Variants in DIS3L2 observed in about 807,000 individuals in gnomAD.
DIS3L2 encodes the protein DIS3-like exonuclease 2.
A neutral mutation model predicts 97.5 loss-of-function variants in DIS3L2; 34 were observed. That is an observed-to-expected ratio of 0.35 (90% CI 0.27 to 0.46). The LOEUF is 0.46. Among genes scored for constraint, DIS3L2 ranks in the 20% least tolerant of loss-of-function variants. DIS3L2 has a pLI of 1.00. For missense variants in DIS3L2, 1,038 were observed against 1,146.0 expected, an observed-to-expected ratio of 0.91 and a Z score of 1.36; for synonymous variants, 435 against 445.2, an observed-to-expected ratio of 0.98 and a Z score of 0.29.
chr2:232,035,312 G>A (rs950837790), intron 5 of DIS3L2, among the ~76,000 whole-genome samples: 7 of 152,116 alleles, frequency 4.6e-5, no homozygotes, highest in Non-Finnish European at 8.8e-5. Context: ...CAGAGACTAG[G>A]ATTGCATCCC....
intron 1 of DIS3L2, among the ~76,000 whole-genome samples, chr2:231,998,088 A>G (rs1232466091): frequency 6.6e-6 from 1 of 152,210 alleles, no homozygotes; most frequent in African/African-American, 2.4e-5. Context: ...AGTTTTTAGC[A>G]GGTCCCTCAA....
At chr2:232,134,074 G>C (rs1698292308) in intron 7 of DIS3L2, among the ~76,000 whole-genome samples, 1 of 151,504 alleles carries the variant, frequency 6.6e-6, no homozygotes, top group Non-Finnish European at 1.5e-5. Context: ...CTATTGGATA[G>C]GCTCAGTAGT....
chr2:232,297,663 A>G (rs191833834), intron 13 of DIS3L2, among the ~76,000 whole-genome samples: 4 of 151,518 alleles, frequency 2.6e-5, no homozygotes. Context: ...TCAGCTAGTG[A>G]TAGGCACTGT....
At chr2:232,008,057 A>G (rs1271565959) in intron 1 of DIS3L2, among the ~76,000 whole-genome samples, 4 of 151,854 alleles carry the variant, frequency 2.6e-5, no homozygotes, top group African/African-American at 9.7e-5. Context: ...CTTGGGCTGG[A>G]GTTCAGCGAT....
chr2:232,304,524 C>T (rs977076183), intron 14 of DIS3L2, among the ~76,000 whole-genome samples: 6 of 152,138 alleles, frequency 3.9e-5, no homozygotes, highest in African/African-American at 7.2e-5. Flanking sequence ...TGAATGCTTC[C>T]GACTTTGGAG....
At chr2:232,194,001 T>C (rs968378703) in intron 9 of DIS3L2, among the ~76,000 whole-genome samples, 2 of 151,996 alleles carry the variant, frequency 1.3e-5, no homozygotes, top group Non-Finnish European at 2.9e-5. Context: ...TCCCAGCTAC[T>C]TGGGAGGCTG....
chr2:232,335,950 TTCA>T, intron 20 of DIS3L2, 76 bp downstream of exon 20: 1 of 1,544,816 alleles, frequency 6.5e-7, no homozygotes, highest in Non-Finnish European at 8.7e-7. Flanking sequence ...CCCTCATTCC[TTCA>T]TCTGTGTCCC....
intron 1 of DIS3L2, among the ~76,000 whole-genome samples, chr2:231,963,794 C>T (rs780041537): frequency 1.4e-4 from 21 of 152,194 alleles, no homozygotes; most frequent in Non-Finnish European, 2.9e-4. Flanking sequence ...CTGCAGCTCA[C>T]TGCAGCCTCG....
intron 13 of DIS3L2, among the ~76,000 whole-genome samples, chr2:232,279,514 G>A (rs1341979216): frequency 6.8e-6 from 1 of 147,852 alleles, no homozygotes; most frequent in African/African-American, 2.5e-5. Flanking sequence ...GTGTTTGTTT[G>A]TTTGTTTGTT....
chr2:232,047,326 G>A (rs921761896), intron 5 of DIS3L2, among the ~76,000 whole-genome samples: 16 of 152,194 alleles, frequency 1.1e-4, no homozygotes, highest in Non-Finnish European at 2.9e-5. Context: ...TGCTCTTTCT[G>A]TAGTTGATAG....
chr2:232,024,162 C>G, intron 3 of DIS3L2, 115 bp from the exon 4 acceptor site: 1 of 675,950 alleles, frequency 1.5e-6, no homozygotes, highest in Non-Finnish European at 2.5e-6. Flanking sequence ...ATACATCTAA[C>G]TTGTTTTCTC....
At chr2:231,969,079 G>A (rs1692812962) in intron 1 of DIS3L2, among the ~76,000 whole-genome samples, 1 of 152,064 alleles carries the variant, frequency 6.6e-6, no homozygotes, top group Non-Finnish European at 1.5e-5. Flanking sequence ...ATAGTTTCCT[G>A]AGTCTTTCCC....
chr2:232,183,227 C>T (rs1298735316), intron 9 of DIS3L2, among the ~76,000 whole-genome samples: 1 of 152,150 alleles, frequency 6.6e-6, no homozygotes, highest in Non-Finnish European at 1.5e-5. Context: ...GAGAAATAAA[C>T]GTTATAAGCT....
At chr2:232,215,830 G>A (rs1259115259) in intron 10 of DIS3L2, among the ~76,000 whole-genome samples, 1 of 152,174 alleles carries the variant, frequency 6.6e-6, no homozygotes, top group South Asian at 2.1e-4. Context: ...GAAGTCACTG[G>A]ACCTGCTACT....
intron 9 of DIS3L2, among the ~76,000 whole-genome samples, chr2:232,169,469 G>A (rs951386865): frequency 1.7e-4 from 26 of 152,158 alleles, no homozygotes; most frequent in African/African-American, 5.8e-4. Flanking sequence ...GCAGACAATG[G>A]CAAGTGCTGT....
chr2:232,049,894 A>G (rs1428198268), intron 5 of DIS3L2, among the ~76,000 whole-genome samples: 1 of 152,168 alleles, frequency 6.6e-6, no homozygotes, highest in Non-Finnish European at 1.5e-5. Flanking sequence ...GGGCATAGAC[A>G]TATTTCTGTA....
intron 9 of DIS3L2, among the ~76,000 whole-genome samples, chr2:232,174,661 TC>T (rs2106176957): frequency 6.6e-6 from 1 of 152,008 alleles, no homozygotes; most frequent in African/African-American, 2.4e-5. Flanking sequence ...ATTTAGAAGT[TC>T]ATGTCATCTG....
At chr2:232,330,629 G>T (rs1695707460) in intron 15 of DIS3L2, 61 bp from the exon 16 acceptor site, 2 of 1,558,482 alleles carry the variant, frequency 1.3e-6, no homozygotes, top group African/African-American at 1.4e-5. Context: ...GGATGACAGG[G>T]CCCAGAGTCT....
rs1251324454 is a variant in DIS3L2, at chr2:232,343,549, G to T, written c.1786G>T (p.Glu596Ter). ...GCCCCAAAACACGATAAGAGTAGAG[G>T]AGCAGACAACCCAGTTGCAGATTTG... The change falls in exon 14 of 14, where the codon GAG becomes TAG. Residue 596 changes from glutamate (E) to a stop codon, truncating the protein, a stop_gained. Coordinates refer to the DIS3L2 transcript ENST00000273009. LOFTEE classifies it high-confidence loss of function. The T allele has an allele frequency of 1.3e-6, 2 of 1,568,376 alleles. No homozygotes were observed. Among genetic ancestry groups the T allele is most frequent in the African/African-American group, 2.7e-5 (2 of 73,312 alleles).
Sources: gnomAD v4.1 joint callset for allele counts (sites outside exome capture counted in the v4.1 genomes callset) on GRCh38, gnomAD v4.1.1 for gene constraint, MANE v1.5 for transcripts, NCBI Gene and HGNC (gene_info 2026-07-23, HGNC 2026-07-21) for gene names.